The following RPS29 variants were observed in gnomAD, a reference collection of about 807,000 sequenced individuals.
RPS29 encodes the protein small ribosomal subunit protein uS14.
For missense variants in RPS29, 60 were observed against 75.7 expected, an observed-to-expected ratio of 0.79 and a Z score of 0.77; for synonymous variants, 37 against 26.9, an observed-to-expected ratio of 1.37 and a Z score of -1.16.
intron 1 of RPS29, among the ~76,000 whole-genome samples, chr14:49,595,712 T>G (rs771249760): frequency 5.9e-5 from 9 of 152,022 alleles, no homozygotes; most frequent in Non-Finnish European, 1.2e-4. Flanking sequence ...AAATGAAAAG[T>G]TGAAAGAAAT....
chr14:49,586,642 CT>C, upstream of RPS29: 1 of 434,420 alleles, frequency 2.3e-6, no homozygotes, highest in Non-Finnish European at 4.3e-6. Flanking sequence ...TGGAGGATCG[CT>C]TGAGTCCAGG....
downstream of RPS29, among the ~76,000 whole-genome samples, chr14:49,578,592 ACT>A (rs1465004057): frequency 1.0e-5 from 1 of 96,674 alleles, no homozygotes; most frequent in East Asian, 2.3e-4. Context: ...ACAGGGTCTC[ACT>A]CTGTCTCCCA....
chr14:49,582,491 T>C (rs1446898212), downstream of RPS29, among the ~76,000 whole-genome samples: 1 of 152,244 alleles, frequency 6.6e-6, no homozygotes, highest in Non-Finnish European at 1.5e-5. Flanking sequence ...CTAGCACATA[T>C]ACCTCTTTTA....
intron 2 of RPS29, among the ~76,000 whole-genome samples, chr14:49,578,453 GT>G (rs1206118278): frequency 6.8e-6 from 1 of 146,702 alleles, no homozygotes; most frequent in East Asian, 2.0e-4. Context: ...CTGTGTACTT[GT>G]TTTTTAACAT....
exon 3 of RPS29, chr14:49,574,631 T>G (rs1488141197): frequency 1.3e-5 from 2 of 152,226 alleles, no homozygotes; most frequent in Non-Finnish European, 2.9e-5. Context: ...ACTCTAGCCA[T>G]AGTCTCTATC....
chr14:49,584,175 G>A (rs527472582), intron 2 of RPS29, among the ~76,000 whole-genome samples: 1 of 152,334 alleles, frequency 6.6e-6, no homozygotes, highest in East Asian at 1.9e-4. Flanking sequence ...TTTTCGCCAT[G>A]TTGGCAAGGC....
At chr14:49,591,700 A>G (rs2139520331) in intron 1 of RPS29, among the ~76,000 whole-genome samples, 1 of 140,896 alleles carries the variant, frequency 7.1e-6, no homozygotes, top group East Asian at 2.1e-4. Flanking sequence ...GGCTCACTGC[A>G]ACCTCTGCTT....
chr14:49,586,574 C>G (rs147140275), upstream of RPS29: 10 of 556,850 alleles, frequency 1.8e-5, no homozygotes, highest in Non-Finnish European at 2.9e-5. Context: ...GCGCCGGTAT[C>G]CGACCGCCGG....
At chr14:49,590,661 G>T (rs953836009), upstream of RPS29, among the ~76,000 whole-genome samples, 6 of 151,336 alleles carry the variant, frequency 4.0e-5, no homozygotes, top group Non-Finnish European at 7.4e-5. Context: ...TCATGCCCCG[G>T]TTTTTTCCAG....
At chr14:49,598,022 C>A (rs933331536) in intron 1 of RPS29, 2 of 189,962 alleles carry the variant, frequency 1.1e-5, no homozygotes, top group Non-Finnish European at 2.1e-5. Context: ...GACAACACTT[C>A]AGGTTCAACA....
rs1881551574 is a variant in RPS29 at position 49,586,290 on chromosome 14, G to C, written c.57C>G (p.Arg19=). ...AATCACAAACTATTTCTCACCAAGAGCGAGAACCCTGGCCGAATTTTCGCG... is the reference window on the plus strand; with the variant it reads ...AATCACAAACTATTTCTCACCAAGACCGAGAACCCTGGCCGAATTTTCGCG... ...SHPRKFGQGS[R]SCRVCSNRHG... Residue 19 remains arginine (R), a synonymous_variant, in exon 1 of 3, where the codon CGC becomes CGG. Transcript: ENST00000245458. The C allele has an allele frequency of 1.2e-6, 2 of 1,613,628 alleles. No homozygotes were observed. The highest frequency in any genetic ancestry group is 2.7e-5 in the African/African-American group (2 of 74,914).
chr14:49,586,988 A>G (rs1285766116), upstream of RPS29: 1 of 152,630 alleles, frequency 6.6e-6, no homozygotes, highest in Non-Finnish European at 1.5e-5. Flanking sequence ...TACACTTGGG[A>G]AAGGAGTTTT....
At chr14:49,583,477 G>T (rs1370711482), downstream of RPS29, 47 of 534,992 alleles carry the variant, frequency 8.8e-5, no homozygotes, top group Non-Finnish European at 3.5e-5. Context: ...CTGCACTCCA[G>T]CCTGGCGACA....
intron 1 of RPS29, among the ~76,000 whole-genome samples, chr14:49,593,745 CAAGA>C (rs1426662731): frequency 7.7e-6 from 1 of 130,152 alleles, no homozygotes; most frequent in Non-Finnish European, 1.7e-5. Flanking sequence ...GGTGAGCTCA[CAAGA>C]AAGGGGTATA....
intron 1 of RPS29, among the ~76,000 whole-genome samples, chr14:49,594,990 T>A (rs1390390528): frequency 6.6e-6 from 1 of 152,200 alleles, no homozygotes; most frequent in Non-Finnish European, 1.5e-5. Context: ...AAAAGCTTCC[T>A]TTTACCCTTC....
At chr14:49,578,325 GGATACTCAA>G (rs758222604) in intron 2 of RPS29, among the ~76,000 whole-genome samples, 2 of 151,960 alleles carry the variant, frequency 1.3e-5, no homozygotes, top group Non-Finnish European at 2.9e-5. Context: ...TGCAGTATCT[GGATACTCAA>G]TCTCTAAATG....
exon 3 of RPS29, chr14:49,571,084 T>C (rs1881044379): frequency 6.6e-6 from 1 of 152,172 alleles, no homozygotes; most frequent in Non-Finnish European, 1.5e-5. Flanking sequence ...TCTGTGCAGA[T>C]GAATGAGTAC....
intron 1 of RPS29, among the ~76,000 whole-genome samples, chr14:49,596,485 T>G (rs1035295987): frequency 1.3e-5 from 2 of 152,134 alleles, no homozygotes; most frequent in Non-Finnish European, 2.9e-5. Context: ...AGGTGTACTC[T>G]AGAGTGTCAC....
downstream of RPS29, among the ~76,000 whole-genome samples, chr14:49,581,865 A>G (rs1424921020): frequency 6.6e-6 from 1 of 151,930 alleles, no homozygotes; most frequent in Non-Finnish European, 1.5e-5. Flanking sequence ...TCTACTAAAA[A>G]CACAAAATAT....
Sources: gnomAD v4.1 joint callset for allele counts (sites outside exome capture counted in the v4.1 genomes callset) on GRCh38, gnomAD v4.1.1 for gene constraint, MANE v1.5 for transcripts, NCBI Gene and HGNC (gene_info 2026-07-23, HGNC 2026-07-21) for gene names.